Variants in TM9SF2 observed in about 807,000 individuals in gnomAD.
The protein encoded by TM9SF2 is transmembrane 9 superfamily member 2.
In TM9SF2, 13 loss-of-function variants were observed where a neutral mutation model predicts 84.9. That is an observed-to-expected ratio of 0.15 (90% CI 0.10 to 0.24). TM9SF2 has a LOEUF of 0.24. Among genes scored for constraint, TM9SF2 ranks in the 10% least tolerant of loss-of-function variants. The pLI is 1.00. For missense variants in TM9SF2, 562 were observed against 818.5 expected (o/e 0.69, Z 3.82); for synonymous variants, 273 against 285.8 (o/e 0.96, Z 0.45).
chr13:99,530,242 A>G (rs1594052478), intron 4 of TM9SF2, among the ~76,000 whole-genome samples: 1 of 152,226 alleles, frequency 6.6e-6, no homozygotes, highest in South Asian at 2.1e-4. Context: ...GGCTAACACG[A>G]TGAAACCCCA....
At chr13:99,551,784 G>A (rs1236998481) in intron 12 of TM9SF2, among the ~76,000 whole-genome samples, 2 of 152,152 alleles carry the variant, frequency 1.3e-5, no homozygotes, top group Non-Finnish European at 2.9e-5. Context: ...AAGACATGCA[G>A]GTCAAATGAA....
chr13:99,553,899 G>A (rs548188503), intron 13 of TM9SF2, among the ~76,000 whole-genome samples: 2 of 152,234 alleles, frequency 1.3e-5, no homozygotes, highest in South Asian at 2.1e-4. Context: ...ATGACATTGC[G>A]CACCTCCAAA....
At chr13:99,543,799 A>G in intron 9 of TM9SF2, 64 bp from the exon 10 acceptor site, 1 of 1,553,750 alleles carries the variant, frequency 6.4e-7, no homozygotes, top group Non-Finnish European at 8.7e-7. Flanking sequence ...AACAGTGAAC[A>G]AACTGTCTAT....
In TM9SF2 at chr13:99,552,147, A is replaced by C; in HGVS notation, c.1329-20A>C. 6.2e-7 allele frequency: 1 copy of C among 1,607,054 alleles called. No individual in the cohort carries two copies. The highest frequency in any genetic ancestry group is 1.1e-5 in the South Asian group (1 of 89,354). Reference sequence around the variant, plus strand: ...TTTTGTTATCTCTGGTTTTACCCAAAAGCCTGTTGTGTCTTTCAGGATTGT... The same window carrying C: ...TTTTGTTATCTCTGGTTTTACCCAACAGCCTGTTGTGTCTTTCAGGATTGT... On this transcript the variant is annotated intron_variant, in intron 12 of 16. Coordinates refer to ENST00000376387, the MANE Select transcript of TM9SF2 (RefSeq NM_004800.3).
intron 10 of TM9SF2, 63 bp from the exon 11 acceptor site, chr13:99,546,922 A>G (rs536239634): frequency 9.6e-5 from 153 of 1,597,444 alleles, no homozygotes; most frequent in South Asian, 7.6e-4. Flanking sequence ...GGGTTTCTCT[A>G]TCATTTCACA....
At chr13:99,547,170 C>T in intron 11 of TM9SF2, 66 bp downstream of exon 11, 1 of 1,594,256 alleles carries the variant, frequency 6.3e-7, no homozygotes, top group Non-Finnish European at 8.6e-7. Context: ...GTGGATCTGA[C>T]CTGGGTATCA....
intron 4 of TM9SF2, among the ~76,000 whole-genome samples, chr13:99,530,570 T>C (rs1315181973): frequency 6.6e-6 from 1 of 152,264 alleles, no homozygotes; most frequent in Non-Finnish European, 1.5e-5. Flanking sequence ...TAGTTAACAG[T>C]AGCATATTAT....
At chr13:99,524,471 TGA>T (rs2046173632) in intron 3 of TM9SF2, among the ~76,000 whole-genome samples, 1 of 151,852 alleles carries the variant, frequency 6.6e-6, no homozygotes, top group South Asian at 2.1e-4. Context: ...ATGTGGTAAG[TGA>T]GAGGTGTTTA....
intron 1 of TM9SF2, among the ~76,000 whole-genome samples, chr13:99,502,790 C>G (rs891277846): frequency 6.6e-6 from 1 of 152,174 alleles, no homozygotes; most frequent in Non-Finnish European, 1.5e-5. Context: ...CGTTTACAAT[C>G]TATAAATAGG....
At chr13:99,558,633 C>T (rs1348105671) in intron 15 of TM9SF2, among the ~76,000 whole-genome samples, 3 of 152,028 alleles carry the variant, frequency 2.0e-5, no homozygotes, top group Admixed American at 6.6e-5. Context: ...TCAGATTGCT[C>T]ATTGCTGGTG....
At chr13:99,545,732 G>A (rs1267115226) in intron 10 of TM9SF2, among the ~76,000 whole-genome samples, 1 of 151,952 alleles carries the variant, frequency 6.6e-6, no homozygotes, top group African/African-American at 2.4e-5. Flanking sequence ...ACGCCTGGCT[G>A]ATTTTTGTAT....
At chr13:99,530,441 A>G (rs1248930401) in intron 4 of TM9SF2, among the ~76,000 whole-genome samples, 2 of 152,222 alleles carry the variant, frequency 1.3e-5, no homozygotes, top group Non-Finnish European at 2.9e-5. Flanking sequence ...AAAAAAAAAG[A>G]AAGAATGGCA....
At chr13:99,503,154 T>A (rs1247763310) in intron 1 of TM9SF2, among the ~76,000 whole-genome samples, 1 of 152,244 alleles carries the variant, frequency 6.6e-6, no homozygotes, top group African/African-American at 2.4e-5. Flanking sequence ...GCAAGTACAC[T>A]GGTTTTTCCA....
intron 15 of TM9SF2, among the ~76,000 whole-genome samples, chr13:99,556,267 C>T (rs2046324160): frequency 6.6e-6 from 1 of 152,146 alleles, no homozygotes; most frequent in African/African-American, 2.4e-5. Flanking sequence ...AGAAAATGAA[C>T]CATTTTGAAG....
chr13:99,536,807 A>C (rs2139094653), intron 5 of TM9SF2, 70 bp downstream of exon 5: 1 of 1,556,840 alleles, frequency 6.4e-7, no homozygotes, highest in South Asian at 1.2e-5. Flanking sequence ...CTTTACCTGG[A>C]CAAAAATTGT....
At position 99,537,856 on chromosome 13, in the gene TM9SF2, C is replaced by G; in HGVS notation, c.709C>G (p.Pro237Ala). The change falls in exon 6 of 17, where the codon CCG becomes GCG. Residue 237 changes from proline (P) to alanine (A), a missense_variant. Coordinates refer to ENST00000376387, the MANE Select transcript of TM9SF2 (RefSeq NM_004800.3). ...GARLVAAKLE[P>A]KSFKHTHIDK... ...AAGATTAGTGGCTGCTAAACTTGAACCGAAAAGGTAATTATATTAATGATA... is the reference window on the plus strand; with the variant it reads ...AAGATTAGTGGCTGCTAAACTTGAAGCGAAAAGGTAATTATATTAATGATA... 6.2e-7 allele frequency: 1 copy of G among 1,601,038 alleles called. No individual in the cohort carries two copies. The highest frequency in any genetic ancestry group is 2.2e-5 in the East Asian group (1 of 44,462).
At chr13:99,556,707 C>T (rs988127608) in intron 15 of TM9SF2, among the ~76,000 whole-genome samples, 2 of 152,160 alleles carry the variant, frequency 1.3e-5, no homozygotes, top group African/African-American at 4.8e-5. Flanking sequence ...CCTCAGCCTC[C>T]TGAGTAGCTG....
intron 11 of TM9SF2, among the ~76,000 whole-genome samples, chr13:99,548,385 A>G (rs1485417552): frequency 6.6e-6 from 1 of 152,236 alleles, no homozygotes; most frequent in Non-Finnish European, 1.5e-5. Flanking sequence ...TCTTATGTGT[A>G]TATGTAATTT....
At chr13:99,558,284 T>C (rs1299696412) in intron 15 of TM9SF2, among the ~76,000 whole-genome samples, 1 of 152,232 alleles carries the variant, frequency 6.6e-6, no homozygotes, top group Non-Finnish European at 1.5e-5. Flanking sequence ...TTTTTTATGA[T>C]TGTTTTGACT....
Sources: allele counts gnomAD v4.1 joint callset (sites outside exome capture counted in the v4.1 genomes callset), GRCh38; gene constraint gnomAD v4.1.1; transcripts MANE v1.5; gene names NCBI Gene and HGNC (gene_info 2026-07-23, HGNC 2026-07-21).